The following MAPRE3 variants were observed in gnomAD, a reference collection of about 807,000 sequenced individuals.
The protein encoded by MAPRE3 is microtubule associated protein RP/EB family member 3.
In MAPRE3, 2 loss-of-function variants were observed where a neutral mutation model predicts 30.5. The observed-to-expected ratio is 0.07, with a 90% CI of 0.03 to 0.21. The LOEUF (loss-of-function observed/expected upper bound fraction) is 0.21. Among genes scored for constraint, MAPRE3 ranks in the 10% least tolerant of loss-of-function variants. The pLI, the probability that MAPRE3 is intolerant of heterozygous loss-of-function variation, is 1.00. For synonymous variants in MAPRE3, 110 were observed against 127.7 expected, an observed-to-expected ratio of 0.86 and a Z score of 0.93; for missense variants, 204 against 351.8, an observed-to-expected ratio of 0.58 and a Z score of 3.36.
At chr2:26,984,815 G>A (rs917007269) in intron 1 of MAPRE3, 1 of 152,210 alleles carries the variant, frequency 6.6e-6, no homozygotes, top group East Asian at 1.9e-4. Flanking sequence ...GTCATATCAA[G>A]TTCCAGTGTA....
chr2:26,980,299 G>A (rs906172102), intron 1 of MAPRE3, among the ~76,000 whole-genome samples: 2 of 152,172 alleles, frequency 1.3e-5, no homozygotes, highest in African/African-American at 4.8e-5. Context: ...AGCAATGGCT[G>A]GTCACCAGAG....
At chr2:27,006,150 C>T (rs922446601) in intron 1 of MAPRE3, among the ~76,000 whole-genome samples, 32 of 152,116 alleles carry the variant, frequency 2.1e-4, no homozygotes, top group Non-Finnish European at 3.4e-4. Context: ...CCACTGCACT[C>T]TAGCCTGGGT....
At chr2:27,004,884 G>A (rs1479440972) in intron 1 of MAPRE3, among the ~76,000 whole-genome samples, 3 of 151,818 alleles carry the variant, frequency 2.0e-5, no homozygotes, top group Non-Finnish European at 4.4e-5. Context: ...GATGACTTGT[G>A]GGTTCTCAAA....
intron 1 of MAPRE3, among the ~76,000 whole-genome samples, chr2:26,978,395 G>A (rs1231568130): frequency 6.6e-6 from 1 of 152,134 alleles, no homozygotes; most frequent in East Asian, 1.9e-4. Flanking sequence ...GTGTAGCCAG[G>A]CCTTTCCGCA....
chr2:26,977,879 T>G (rs901732599), intron 1 of MAPRE3, among the ~76,000 whole-genome samples: 2 of 152,220 alleles, frequency 1.3e-5, no homozygotes, highest in African/African-American at 4.8e-5. Context: ...TGCCCAGCTC[T>G]GAGCACTGAG....
intron 1 of MAPRE3, among the ~76,000 whole-genome samples, chr2:26,992,229 AT>A (rs34619033): frequency 3.6e-4 from 53 of 146,634 alleles, no homozygotes; most frequent in Admixed American, 8.8e-4. Context: ...TTACCAGATA[AT>A]TTTTTTTTTT....
At chr2:27,023,812 G>C in intron 3 of MAPRE3, 1 of 508,514 alleles carries the variant, frequency 2.0e-6, no homozygotes, top group Non-Finnish European at 3.6e-6. Context: ...TACTGCCTCG[G>C]TGGCTGCAGA....
intron 1 of MAPRE3, among the ~76,000 whole-genome samples, chr2:26,995,780 G>GGTTGTGTGTGT (rs1553327979): frequency 9.1e-6 from 1 of 109,638 alleles, no homozygotes; most frequent in Non-Finnish European, 1.8e-5. Context: ...TTCTAAGAGA[G>GGTTGTGTGTGT]GTGTGTGTGT....
intron 1 of MAPRE3, among the ~76,000 whole-genome samples, chr2:26,990,950 G>A (rs114406889): frequency 3.3e-5 from 5 of 152,256 alleles, no homozygotes; most frequent in Admixed American, 1.3e-4. Context: ...TGCGCACCAC[G>A]TACTTACTGA....
chr2:26,979,642 T>C (rs1340082232), intron 1 of MAPRE3, among the ~76,000 whole-genome samples: 1 of 151,932 alleles, frequency 6.6e-6, no homozygotes, highest in East Asian at 1.9e-4. Flanking sequence ...GTCTCAAGGA[T>C]GAGCAGGCTG....
chr2:26,971,159 C>T (rs2148192285), intron 1 of MAPRE3, among the ~76,000 whole-genome samples: 1 of 152,344 alleles, frequency 6.6e-6, no homozygotes, highest in South Asian at 2.1e-4. Flanking sequence ...CCTTCTCCCT[C>T]CTCCTCACTC....
rs1667155525 is a variant in MAPRE3 at position 27,023,494 on chromosome 2, TG to T, written c.267+23del. 1 of 1,613,290 alleles carries T rather than the reference TG, an allele frequency of 6.2e-7. No individual in the cohort carries two copies. The highest frequency in any genetic ancestry group is 1.3e-5 in the African/African-American group (1 of 75,044). On this transcript the variant is annotated intron_variant, in intron 3 of 6. Transcript: ENST00000233121. ...GTTGACAAAGTAGGTGCCTGCGCTCTGGGGGGCCCTGAGGAGCAGTGTGACC... is the reference window on the plus strand; with the variant it reads ...GTTGACAAAGTAGGTGCCTGCGCTCTGGGGGCCCTGAGGAGCAGTGTGACC...
intron 1 of MAPRE3, among the ~76,000 whole-genome samples, chr2:27,019,926 G>C (rs1228615380): frequency 1.3e-5 from 2 of 152,226 alleles, no homozygotes; most frequent in African/African-American, 2.4e-5. Context: ...GAGCCTCCCT[G>C]TCTAAAGCAG....
chr2:26,991,487 T>C (rs139158239), intron 1 of MAPRE3, among the ~76,000 whole-genome samples: 3 of 152,284 alleles, frequency 2.0e-5, no homozygotes, highest in East Asian at 3.9e-4. Flanking sequence ...TTGGTGACAA[T>C]TGGCTACAAA....
intron 1 of MAPRE3, among the ~76,000 whole-genome samples, chr2:27,000,862 C>T (rs1666580738): frequency 6.6e-6 from 1 of 152,228 alleles, no homozygotes; most frequent in South Asian, 2.1e-4. Context: ...GTTATCTTGG[C>T]AACTATTGTC....
At position 26,981,108 on chromosome 2, in the gene MAPRE3, T is replaced by A. The variant is rs1407881171; in HGVS notation, c.-8+10306T>A. Among the ~76,000 whole-genome samples the A allele has an allele frequency of 2.0e-5, 3 of 152,038 alleles. No homozygotes were observed. In the East Asian group the frequency reaches 5.8e-4, roughly 29 times the overall value. ...TGGTGGGGAATTGAGTTCTTGAAGG[T>A]CTGAATTACCCACAGTGAGAAATAA... On this transcript the variant is annotated intron_variant, in intron 1 of 6. Coordinates refer to ENST00000233121, the MANE Select transcript of MAPRE3 (RefSeq NM_012326.4).
rs77663394 is a variant in MAPRE3 at position 27,018,767 on chromosome 2, A to G, written c.-7-3445A>G. Among the ~76,000 whole-genome samples, 367 of 152,190 alleles carry G rather than the reference A, an allele frequency of 2.4e-3. 1 individual carries two copies. The highest frequency in any genetic ancestry group is 8.5e-3 in the African/African-American group (351 of 41,516). On this transcript the variant is annotated intron_variant, in intron 1 of 6. Coordinates refer to ENST00000233121, the MANE Select transcript of MAPRE3 (RefSeq NM_012326.4). The stretch of plus-strand genomic sequence containing the variant: ...AACACTCCCCTGACTCCAGTCTGCA[A>G]TTCCACTCCACCAATATGGTTAGGC...
intron 1 of MAPRE3, among the ~76,000 whole-genome samples, chr2:26,981,236 C>G (rs1666107165): frequency 6.6e-6 from 1 of 152,094 alleles, no homozygotes; most frequent in African/African-American, 2.4e-5. Flanking sequence ...GCCAGAGAAG[C>G]AGCAGTGAGT....
chr2:26,980,438 T>C (rs1394839655), intron 1 of MAPRE3, among the ~76,000 whole-genome samples: 2 of 152,262 alleles, frequency 1.3e-5, no homozygotes, highest in Non-Finnish European at 2.9e-5. Flanking sequence ...TCTTAAAATA[T>C]ATTTTGTGTA....
Sources: allele counts gnomAD v4.1 joint callset (sites outside exome capture counted in the v4.1 genomes callset), GRCh38; gene constraint gnomAD v4.1.1; transcripts MANE v1.5; gene names NCBI Gene and HGNC (gene_info 2026-07-23, HGNC 2026-07-21).